The following ARID1B variants were observed in gnomAD, a reference collection of about 807,000 sequenced individuals.
The protein encoded by ARID1B is AT-rich interaction domain 1B, also known as AT-rich interactive domain-containing protein 1B.
Under a neutral mutation model 212.3 loss-of-function variants are expected in ARID1B, and 30 were observed. That is an observed-to-expected ratio of 0.14 (90% CI 0.11 to 0.19). The LOEUF is 0.19. ARID1B is among the 10% of genes least tolerant of loss of function. The pLI is 1.00. For synonymous variants in ARID1B, 1,402 were observed against 1,301.7 expected (o/e 1.08, Z -1.66); for missense variants, 2,891 against 3,204.0 (o/e 0.90, Z 2.36).
At position 156,795,292 on chromosome 6, in the gene ARID1B, G is replaced by A. The variant is rs1306781500; in HGVS notation, c.1791+15821G>A. ...GTGTCTCAGATTCGCTGGGGTTTAC[G>A]AGTCCAGAAATCCATGAGTCCGAGG... On this transcript the variant is annotated intron_variant, in intron 1 of 19. Coordinates refer to ENST00000636930, the MANE Select transcript of ARID1B (RefSeq NM_001374828.1). Among the ~76,000 whole-genome samples, 5 of 152,250 alleles carry A rather than the reference G, an allele frequency of 3.3e-5. No individual in the cohort carries two copies. The South Asian group carries it at 8.3e-4, about 25-fold the overall frequency.
chr6:157,207,649 G>A lies in ARID1B; in HGVS notation c.6877G>A (p.Ala2293Thr), dbSNP rs2128398873. Residue 2293 changes from alanine to threonine, a missense_variant, in exon 20 of 20, where the codon GCC becomes ACC. Ala to Thr is a moderately conservative substitution (Grantham distance 58). This residue lies in a region of ARID1B where 187 missense variants were observed against 306.5 expected (regional missense o/e 0.61). Transcript: ENST00000636930. The surrounding 1 kb of genome is among the most constrained non-coding windows in gnomAD (Gnocchi z 8.5). ...ISFLEDGVTM[A>T]QYQQSQHNLM... ...CTTCCTAGAGGATGGGGTCACGATG[G>A]CCCAGTACCAGCAGAGCCAGCACAA... 1.2e-6 allele frequency: 2 copies of A among 1,614,000 alleles called. No individual in the cohort carries two copies. The highest frequency in any genetic ancestry group is 2.2e-5 in the East Asian group (1 of 44,876).
chr6:156,947,897 T>G (rs1329502330), intron 4 of ARID1B, among the ~76,000 whole-genome samples: 1 of 152,180 alleles, frequency 6.6e-6, no homozygotes, highest in African/African-American at 2.4e-5. Flanking sequence ...TTTATATATT[T>G]AATTTGATTT....
chr6:157,174,755 A>G, intron 10 of ARID1B, 92 bp from the exon 11 acceptor site: 1 of 572,970 alleles, frequency 1.7e-6, no homozygotes, highest in Non-Finnish European at 2.6e-6. Flanking sequence ...ATATAAAAAA[A>G]TTAGTTTGTT....
At chr6:156,850,967 G>T (rs1208502914) in intron 2 of ARID1B, among the ~76,000 whole-genome samples, 2 of 152,184 alleles carry the variant, frequency 1.3e-5, no homozygotes, top group African/African-American at 4.8e-5. Flanking sequence ...TGAAGGGAAC[G>T]AGGTGCTTCA....
At chr6:157,010,130 T>C (rs192121264) in intron 4 of ARID1B, among the ~76,000 whole-genome samples, 5 of 152,268 alleles carry the variant, frequency 3.3e-5, no homozygotes, top group African/African-American at 9.6e-5. Flanking sequence ...ATCACACTTA[T>C]ACCACTGATT....
At chr6:156,912,272 T>G (rs1019309064) in intron 3 of ARID1B, among the ~76,000 whole-genome samples, 35 of 113,968 alleles carry the variant, frequency 3.1e-4, no homozygotes, top group African/African-American at 1.0e-3. Flanking sequence ...TTTTTTTTTT[T>G]GTTTAACTGT....
intron 4 of ARID1B, among the ~76,000 whole-genome samples, chr6:156,977,572 T>C (rs1363288146): frequency 6.6e-6 from 1 of 152,218 alleles, no homozygotes; most frequent in East Asian, 1.9e-4. Flanking sequence ...TTTTTGAACA[T>C]GTGGAATATA....
intron 6 of ARID1B, among the ~76,000 whole-genome samples, chr6:157,126,269 C>T (rs770773566): frequency 2.6e-5 from 4 of 152,042 alleles, no homozygotes; most frequent in Non-Finnish European, 4.4e-5. Context: ...TCTTGTAAGC[C>T]AGAGCAAGAT....
chr6:156,831,322 A>G (rs987161535), intron 2 of ARID1B, among the ~76,000 whole-genome samples: 6 of 152,242 alleles, frequency 3.9e-5, no homozygotes, highest in Admixed American at 3.9e-4. Context: ...GGTAGTAAGA[A>G]GTAGTGGGAC....
chr6:157,157,998 G>A (rs986532100), intron 8 of ARID1B, among the ~76,000 whole-genome samples: 1 of 152,150 alleles, frequency 6.6e-6, no homozygotes, highest in African/African-American at 2.4e-5. Flanking sequence ...ACTCTGGCCT[G>A]GAGTAAAACA....
At chr6:156,910,145 A>G (rs934255484) in intron 3 of ARID1B, among the ~76,000 whole-genome samples, 6 of 152,194 alleles carry the variant, frequency 3.9e-5, no homozygotes, top group African/African-American at 1.2e-4. Context: ...TTGTCCCACA[A>G]CAGTGAAGTT....
rs1778858788 is a variant in ARID1B, at chr6:156,778,517, G to C, written c.837G>C (p.Ala279=). 8.1e-7 allele frequency: 1 copy of C among 1,235,778 alleles called. No homozygotes were observed. 76.6% of individuals were successfully genotyped at this position (1,235,778 alleles called of 1,614,324 possible). Residue 279 remains alanine, a synonymous_variant, in exon 1 of 20, where the codon GCG becomes GCC. Transcript: ENST00000636930. ...DDAPPKMGEP[A]GGRYEHPGLG... ...CGCCGCCCAAGATGGGGGAGCCGGC[G>C]GGCGGCCGCTACGAGCACCCGGGCT...
chr6:156,778,945 TGGCGGCGGCGGCCGCGGC>T lies in ARID1B; in HGVS notation c.1275_1292del (p.Ala428_Ala433del), dbSNP rs775733700. On this transcript the variant is annotated inframe_deletion, in exon 1 of 20. Transcript: ENST00000636930. Reference sequence around the variant, plus strand: ...GCAGGAGGAGCAGGAGCGGGAGCTGTGGCGGCGGCGGCCGCGGCGGCGGCGGCAGCAGCAGGAGGCGGC... The same window carrying T: ...GCAGGAGGAGCAGGAGCGGGAGCTGTGGCGGCGGCAGCAGCAGGAGGCGGC... The T allele has an allele frequency of 7.0e-6, 9 of 1,277,208 alleles. No homozygotes were observed. The highest frequency in any genetic ancestry group is 6.4e-5 in the East Asian group (2 of 31,276). 79.1% of individuals were successfully genotyped at this position (1,277,208 alleles called of 1,614,324 possible).
At chr6:156,823,877 G>A (rs1782564212) in intron 1 of ARID1B, among the ~76,000 whole-genome samples, 1 of 151,928 alleles carries the variant, frequency 6.6e-6, no homozygotes, top group African/African-American at 2.4e-5. Context: ...CTGAAAGCCT[G>A]ATAACAGAGT....
chr6:156,824,349 CA>C (rs1426440559), intron 1 of ARID1B, among the ~76,000 whole-genome samples: 9 of 152,220 alleles, frequency 5.9e-5, no homozygotes, highest in African/African-American at 2.2e-4. Context: ...GAAATGAAAA[CA>C]TGCTCGGACA....
chr6:157,126,138 G>A (rs12212367), intron 6 of ARID1B, among the ~76,000 whole-genome samples: 15,228 of 152,130 alleles, frequency 0.1, 887 homozygotes, highest in African/African-American at 0.13. Context: ...AGTGACTAAA[G>A]GGCTCACAGA....
At chr6:157,196,070 A>G in intron 15 of ARID1B, 95 bp from the exon 16 acceptor site, 1 of 1,505,226 alleles carries the variant, frequency 6.6e-7, no homozygotes, top group South Asian at 1.2e-5. Flanking sequence ...AAAAAAAGAA[A>G]AAGTCCAAAG....
rs77248807 is a variant in ARID1B, at chr6:156,883,878, C to G, written c.1987-17498C>G. The stretch of plus-strand genomic sequence containing the variant: ...CTCAGACCAGCAGTAAGTTCTCTTT[C>G]TCTGGCAATGGCATTTTGTATCAAC... On this transcript the variant is annotated intron_variant, in intron 2 of 19. Transcript: ENST00000636930. Among the ~76,000 whole-genome samples, 420 of 152,314 alleles carry G rather than the reference C, an allele frequency of 2.8e-3. 2 individuals carry two copies. The highest frequency in any genetic ancestry group is 9.8e-3 in the African/African-American group (406 of 41,556).
Position 156,778,881 on chromosome 6 carries a change from G to A in ARID1B, c.1201G>A (p.Gly401Arg), listed in dbSNP as rs1194403943. The change falls in exon 1 of 20, where the codon GGA (glycine) becomes AGA (arginine). Residue 401 changes from glycine to arginine, a missense_variant. Around this residue, in one of 7 missense-constraint regions of ARID1B, gnomAD observed 1,643 missense variants for 1,544.0 expected, o/e 1.06. Transcript: ENST00000636930. ...CGGCGGCGGCGGCGGCGGAGGAGGAGGAGGCAGCGGAGGAGGAGGAGGAGG... is the reference window on the plus strand; with the variant it reads ...CGGCGGCGGCGGCGGCGGAGGAGGAAGAGGCAGCGGAGGAGGAGGAGGAGG... ...GGGGGGGGGG[G>R]GSGGGGGGGG... 8 of 1,395,234 alleles carry A rather than the reference G, an allele frequency of 5.7e-6. No homozygotes were observed. In the South Asian group the frequency reaches 9.8e-5, roughly 17 times the overall value. The allele number at this position is 1,395,234 out of a possible 1,614,324, so 86.4% of individuals were successfully genotyped here.
Sources: allele counts gnomAD v4.1 joint callset (sites outside exome capture counted in the v4.1 genomes callset), GRCh38; gene constraint gnomAD v4.1.1; regional missense constraint gnomAD v4.1.1; non-coding constraint Gnocchi (gnomAD v3.1); transcripts MANE v1.5; gene names NCBI Gene and HGNC (gene_info 2026-07-23, HGNC 2026-07-21).